SPRR2G: variants seen among roughly 807,000 people sequenced by gnomAD.
SPRR2G encodes small proline rich protein 2G.
Under a neutral mutation model 0.7 loss-of-function variants are expected in SPRR2G, and 1 was observed. The ratio of observed to expected loss-of-function variants is 1.49; its 90% confidence interval spans 0.53 to 7.06. SPRR2G has a LOEUF of 7.06. Among genes scored for constraint, SPRR2G ranks in the 30% most tolerant of loss-of-function variants. SPRR2G has a pLI of 0.14. For synonymous variants in SPRR2G, 38 were observed against 33.9 expected, an observed-to-expected ratio of 1.12 and a Z score of -0.42; for missense variants, 96 against 88.5, an observed-to-expected ratio of 1.09 and a Z score of -0.34.
intron 1 of SPRR2G, among the ~76,000 whole-genome samples, chr1:153,150,377 G>C (rs1468138017): frequency 1.3e-5 from 2 of 152,142 alleles, no homozygotes; most frequent in South Asian, 2.1e-4. Context: ...AGCAACAAAT[G>C]TTGTCTGAAT....
chr1:153,188,298 C>A, the SPRR2G span, among the ~76,000 whole-genome samples: 47 of 152,300 alleles, frequency 3.1e-4, 1 homozygote, highest in East Asian at 9.1e-3. Flanking sequence ...GCTGAAGCTG[C>A]ACCCACAGCC....
the SPRR2G span, among the ~76,000 whole-genome samples, chr1:153,163,311 G>A: frequency 1.3e-5 from 2 of 152,308 alleles, no homozygotes; most frequent in East Asian, 3.9e-4. Context: ...CATAGGTGAG[G>A]TTAAAAATAT....
chr1:153,160,683 T>C, the SPRR2G span, among the ~76,000 whole-genome samples: 7 of 152,096 alleles, frequency 4.6e-5, no homozygotes, highest in South Asian at 2.1e-4. Flanking sequence ...GTCAGTGTGG[T>C]GATTCCTCAG....
the SPRR2G span, among the ~76,000 whole-genome samples, chr1:153,179,236 ACTT>A: frequency 6.6e-6 from 1 of 152,148 alleles, no homozygotes; most frequent in East Asian, 1.9e-4. Flanking sequence ...TTTCTCCCTT[ACTT>A]AGAGTCAATT....
the SPRR2G span, among the ~76,000 whole-genome samples, chr1:153,187,579 T>C: frequency 4.6e-5 from 7 of 152,074 alleles, no homozygotes; most frequent in Non-Finnish European, 1.0e-4. Context: ...TCCAAACTGG[T>C]TATTCTAGTT....
the SPRR2G span, among the ~76,000 whole-genome samples, chr1:153,184,326 C>T: frequency 6.6e-6 from 1 of 152,072 alleles, no homozygotes; most frequent in Non-Finnish European, 1.5e-5. Flanking sequence ...GCCATTGATT[C>T]TTCCTGTCCA....
the SPRR2G span, among the ~76,000 whole-genome samples, chr1:153,164,103 C>T: frequency 6.6e-6 from 1 of 152,304 alleles, no homozygotes; most frequent in African/African-American, 2.4e-5. Context: ...TTTTCGTTCT[C>T]AACTGCGTTT....
intron 1 of SPRR2G, among the ~76,000 whole-genome samples, chr1:153,150,421 T>G (rs1656441878): frequency 6.6e-6 from 1 of 152,168 alleles, no homozygotes; most frequent in Admixed American, 6.5e-5. Flanking sequence ...AACTCAGATA[T>G]TAAAAGTCTA....
At chr1:153,199,727 T>G in the SPRR2G span, among the ~76,000 whole-genome samples, 1 of 152,140 alleles carries the variant, frequency 6.6e-6, no homozygotes, top group African/African-American at 2.4e-5. Context: ...ATTTTTTTTA[T>G]GTAAATAGAA....
chr1:153,187,761 T>C, the SPRR2G span, among the ~76,000 whole-genome samples: 1 of 152,140 alleles, frequency 6.6e-6, no homozygotes, highest in African/African-American at 2.4e-5. Context: ...GGAGTTGTGA[T>C]CATTTGGAGG....
chr1:153,197,393 A>T, the SPRR2G span, among the ~76,000 whole-genome samples: 3 of 152,020 alleles, frequency 2.0e-5, no homozygotes, highest in Non-Finnish European at 4.4e-5. Flanking sequence ...ATACAGATAT[A>T]TTCATGTTGG....
the SPRR2G span, among the ~76,000 whole-genome samples, chr1:153,163,715 C>T: frequency 9.2e-5 from 14 of 152,296 alleles, no homozygotes; most frequent in South Asian, 2.9e-3. Flanking sequence ...GTCTTCACCC[C>T]ATCCATGTAA....
the SPRR2G span, chr1:153,174,733 A>G: frequency 6.6e-6 from 1 of 152,234 alleles, no homozygotes; most frequent in South Asian, 2.1e-4. Context: ...TGCAAAGAGT[A>G]CTGGAAAGCA....
At chr1:153,176,388 C>A in the SPRR2G span, 1 of 152,198 alleles carries the variant, frequency 6.6e-6, no homozygotes, top group East Asian at 1.9e-4. Context: ...CTCCTACCCC[C>A]ACCTGTCCAA....
At chr1:153,188,833 G>A in the SPRR2G span, among the ~76,000 whole-genome samples, 1 of 152,174 alleles carries the variant, frequency 6.6e-6, no homozygotes, top group Non-Finnish European at 1.5e-5. Flanking sequence ...CCTGGTCTGT[G>A]GGTTGCCAAA....
the SPRR2G span, chr1:153,190,792 C>T: frequency 1.3e-5 from 2 of 152,190 alleles, no homozygotes; most frequent in East Asian, 3.8e-4. Context: ...TTTGTATTTT[C>T]TCCCTAATAA....
chr1:153,160,313 T>G, the SPRR2G span, among the ~76,000 whole-genome samples: 41 of 152,248 alleles, frequency 2.7e-4, no homozygotes, highest in African/African-American at 9.6e-4. Flanking sequence ...CATCTGCTCA[T>G]AGACATTTAG....
At chr1:153,190,430 T>G in the SPRR2G span, 1 of 152,304 alleles carries the variant, frequency 6.6e-6, no homozygotes, top group Non-Finnish European at 1.5e-5. Flanking sequence ...CATAGTCTAC[T>G]GGGGTCTCCT....
At chr1:153,164,455 G>C in the SPRR2G span, among the ~76,000 whole-genome samples, 2 of 152,354 alleles carry the variant, frequency 1.3e-5, no homozygotes. Flanking sequence ...CTGAAGAGGA[G>C]AGGGGAGAAG....
Sources: gnomAD v4.1 joint callset for allele counts (sites outside exome capture counted in the v4.1 genomes callset) on GRCh38, gnomAD v4.1.1 for gene constraint, MANE v1.5 for transcripts, NCBI Gene and HGNC (gene_info 2026-07-23, HGNC 2026-07-21) for gene names.